The following HDHD2 variants were observed in gnomAD, a reference collection of about 807,000 sequenced individuals.
HDHD2 encodes haloacid dehalogenase like hydrolase domain containing 2.
Under a neutral mutation model 24.8 loss-of-function variants are expected in HDHD2, and 26 were observed. That is an observed-to-expected ratio of 1.05 (90% CI 0.77 to 1.45). The LOEUF is 1.45. Ranked by LOEUF, HDHD2 falls within the 40% of genes most tolerant of loss-of-function variation. The probability of loss-of-function intolerance (pLI) is 0.00; values close to 1 mark genes in which losing one functional copy is unlikely to be tolerated. For missense variants in HDHD2, 299 were observed against 313.4 expected, an observed-to-expected ratio of 0.95 and a Z score of 0.35; for synonymous variants, 128 against 114.9, an observed-to-expected ratio of 1.11 and a Z score of -0.73.
intron 4 of HDHD2, among the ~76,000 whole-genome samples, chr18:47,117,815 A>T (rs1449785471): frequency 6.6e-6 from 1 of 151,898 alleles, no homozygotes; most frequent in East Asian, 1.9e-4. Context: ...AATAATATAT[A>T]TGTAATTATT....
chr18:47,138,134 T>C (rs983953954), intron 1 of HDHD2, among the ~76,000 whole-genome samples: 6 of 117,664 alleles, frequency 5.1e-5, no homozygotes, highest in African/African-American at 2.0e-4. Context: ...ATCGCACCAC[T>C]GCACTCCAGC....
At chr18:47,145,992 G>T (rs2063865666) in intron 1 of HDHD2, among the ~76,000 whole-genome samples, 1 of 152,086 alleles carries the variant, frequency 6.6e-6, no homozygotes, top group Non-Finnish European at 1.5e-5. Flanking sequence ...AGCAGTTTGG[G>T]AAGCCAAGGC....
At chr18:47,141,884 G>A (rs1374733489) in intron 1 of HDHD2, among the ~76,000 whole-genome samples, 1 of 152,204 alleles carries the variant, frequency 6.6e-6, no homozygotes, top group Non-Finnish European at 1.5e-5. Context: ...CGTGTCGTGG[G>A]AGGGACCCAA....
chr18:47,136,509 TG>T (rs1378158175), intron 1 of HDHD2, 60 bp from the exon 2 acceptor site: 15 of 1,378,040 alleles, frequency 1.1e-5, no homozygotes, highest in Non-Finnish European at 1.5e-5. Context: ...AATTAAAAAC[TG>T]GTAAGTATTC....
Position 47,136,453 on chromosome 18 carries a change from G to A in HDHD2, c.-10-4C>T. 2 of 1,609,574 alleles carry A rather than the reference G, an allele frequency of 1.2e-6. No homozygotes were observed. The highest frequency in any genetic ancestry group is 2.2e-5 in the South Asian group (2 of 90,632). ...GCATGCTGCCATCCTTCATTCCCTA[G>A]GAGAGAGCAAATGAAATTAAAAATA... On this transcript the variant is annotated splice_region_variant and splice_polypyrimidine_tract_variant and intron_variant, in intron 1 of 6. Transcript: ENST00000300605.
chr18:47,133,943 G>C (rs2063738209), intron 3 of HDHD2, among the ~76,000 whole-genome samples: 1 of 152,136 alleles, frequency 6.6e-6, no homozygotes, highest in Admixed American at 6.5e-5. Context: ...TCACTCTGAT[G>C]GTAGTTTCTT....
At chr18:47,138,037 T>C (rs964534786) in intron 1 of HDHD2, among the ~76,000 whole-genome samples, 4 of 151,560 alleles carry the variant, frequency 2.6e-5, no homozygotes, top group Non-Finnish European at 4.4e-5. Flanking sequence ...ATGGTGGCAG[T>C]TGCCTGTAAT....
rs569948202 is a variant in HDHD2 at position 47,131,634 on chromosome 18, G to A, written c.311-1306C>T. Among the ~76,000 whole-genome samples the A allele has an allele frequency of 3.3e-5, 5 of 152,190 alleles. No individual in the cohort carries two copies. The East Asian group carries it at 9.6e-4, about 29-fold the overall frequency. ...TCGTAACTGTATTTCCTATTCAAAAGTAGTCATACACAGCTTGTATTTAAC... is the reference window on the plus strand; with the variant it reads ...TCGTAACTGTATTTCCTATTCAAAAATAGTCATACACAGCTTGTATTTAAC... On this transcript the variant is annotated intron_variant, in intron 3 of 6. Coordinates refer to ENST00000300605, the MANE Select transcript of HDHD2 (RefSeq NM_032124.5).
At chr18:47,143,758 T>C (rs1216400845) in intron 1 of HDHD2, among the ~76,000 whole-genome samples, 1 of 152,224 alleles carries the variant, frequency 6.6e-6, no homozygotes, top group East Asian at 1.9e-4. Flanking sequence ...GCAGGCTTTA[T>C]TCTGACACTT....
intron 5 of HDHD2, among the ~76,000 whole-genome samples, 156 bp from the exon 6 acceptor site, chr18:47,113,196 A>C (rs555911182): frequency 1.3e-5 from 2 of 152,370 alleles, no homozygotes; most frequent in South Asian, 4.1e-4. Context: ...TCCACATGTA[A>C]TACTCTGAGG....
chr18:47,141,799 T>C (rs1373814362), intron 1 of HDHD2, among the ~76,000 whole-genome samples: 1 of 152,198 alleles, frequency 6.6e-6, no homozygotes, highest in African/African-American at 2.4e-5. Flanking sequence ...AAGCTGATAA[T>C]TGATTACATT....
rs539545384 is a variant in HDHD2 at position 47,112,705 on chromosome 18, G to A, written c.676+272C>T. 2.0e-5 allele frequency among the ~76,000 whole-genome samples: 3 copies of A among 152,212 alleles called. No homozygotes were observed. The South Asian group carries it at 6.2e-4, about 32-fold the overall frequency. On this transcript the variant is annotated intron_variant, in intron 6 of 6. Coordinates refer to ENST00000300605, the MANE Select transcript of HDHD2 (RefSeq NM_032124.5). ...TTGCTTCATCCCTCTGTGGTGAACT[G>A]TACATCCAGGAAATAATATAAATGC... is the stretch of plus-strand genomic sequence containing the variant.
At chr18:47,142,964 ACCTC>A (rs1239625133) in intron 1 of HDHD2, among the ~76,000 whole-genome samples, 6 of 152,124 alleles carry the variant, frequency 3.9e-5, no homozygotes, top group Non-Finnish European at 7.3e-5. Context: ...AACAGAATTT[ACCTC>A]CCTACACAGA....
chr18:47,133,179 T>C (rs2063729831), intron 3 of HDHD2, among the ~76,000 whole-genome samples: 1 of 151,052 alleles, frequency 6.6e-6, no homozygotes. Context: ...CAGTGTGTGA[T>C]GTTCCCCTTC....
intron 1 of HDHD2, among the ~76,000 whole-genome samples, chr18:47,147,073 A>T (rs927447472): frequency 1.3e-5 from 2 of 152,238 alleles, no homozygotes; most frequent in African/African-American, 2.4e-5. Context: ...TTTTTCTCAT[A>T]CATTTAATAG....
At position 47,138,171 on chromosome 18, in the gene HDHD2, C is replaced by CAA. The variant is rs58644217; in HGVS notation, c.-10-1724_-10-1723dup. On this transcript the variant is annotated intron_variant, in intron 1 of 6. Transcript: ENST00000300605. ...TGGGCGATAGTGTGAGATTCTGTCG[C>CAA]AAAAAAAAAAAAAAAAAAAAAAAAA... 6.2e-4 allele frequency among the ~76,000 whole-genome samples: 34 copies of CAA among 54,916 alleles called. 2 individuals are homozygous for CAA. Among genetic ancestry groups the CAA allele is most frequent in the East Asian group, 2.9e-3 (4 of 1,388 alleles). The allele number at this position is 54,916 out of a possible 152,430, so 36.0% of individuals were successfully genotyped here.
intron 6 of HDHD2, chr18:47,110,664 G>A (rs2684852): frequency 0.19 from 185,637 of 984,644 alleles, 18,570 homozygotes; most frequent in Non-Finnish European, 0.2. Context: ...AATAACGTTC[G>A]TTGAGTGAAT....
intron 3 of HDHD2, among the ~76,000 whole-genome samples, chr18:47,131,364 T>C (rs1295165801): frequency 6.6e-6 from 1 of 152,212 alleles, no homozygotes; most frequent in Non-Finnish European, 1.5e-5. Flanking sequence ...TGGCTGCAGA[T>C]ATCCAGGCTT....
At chr18:47,133,213 T>C (rs2063730192) in intron 3 of HDHD2, among the ~76,000 whole-genome samples, 1 of 151,856 alleles carries the variant, frequency 6.6e-6, no homozygotes, top group African/African-American at 2.4e-5. Flanking sequence ...TTCTCATTGT[T>C]CAATTCCCAC....
Sources: allele counts gnomAD v4.1 joint callset (sites outside exome capture counted in the v4.1 genomes callset), GRCh38; gene constraint gnomAD v4.1.1; transcripts MANE v1.5; gene names NCBI Gene and HGNC (gene_info 2026-07-23, HGNC 2026-07-21).